KREMEN1: variants seen among roughly 807,000 people sequenced by gnomAD.
The protein encoded by KREMEN1 is kremen protein 1.
In KREMEN1, 30 loss-of-function variants were observed where a neutral mutation model predicts 46.5. That is an observed-to-expected ratio of 0.65 (90% CI 0.48 to 0.88). The LOEUF (loss-of-function observed/expected upper bound fraction) is 0.88. Ranked by LOEUF, KREMEN1 falls within the 40% of genes least tolerant of loss-of-function variation. KREMEN1 has a pLI of 0.00. For missense variants in KREMEN1, 533 were observed against 596.9 expected (o/e 0.89, Z 1.11); for synonymous variants, 214 against 230.6 (o/e 0.93, Z 0.65).
At chr22:29,108,768 G>A (rs1476491546) in intron 3 of KREMEN1, among the ~76,000 whole-genome samples, 1 of 152,144 alleles carries the variant, frequency 6.6e-6, no homozygotes, top group Admixed American at 6.6e-5. Context: ...CACTGAACTC[G>A]GTGAACACAA....
downstream of KREMEN1, among the ~76,000 whole-genome samples, chr22:29,147,365 G>C (rs1191612546): frequency 6.6e-6 from 1 of 152,190 alleles, no homozygotes; most frequent in African/African-American, 2.4e-5. Flanking sequence ...CTCCACGTAT[G>C]AGCTGCCCAC....
At chr22:29,099,074 G>C in intron 3 of KREMEN1, 121 bp downstream of exon 3, 1 of 711,862 alleles carries the variant, frequency 1.4e-6, no homozygotes, top group Non-Finnish European at 2.5e-6. Flanking sequence ...CATGTGAAAG[G>C]AGAAGCCATC....
chr22:29,138,680 G>T lies in KREMEN1; in HGVS notation c.1021G>T (p.Val341Leu). 6.2e-7 allele frequency: 1 copy of T among 1,614,212 alleles called. No individual in the cohort carries two copies. The change falls in exon 7 of 9, where the codon GTG becomes TTG. Residue 341 changes from valine (V) to leucine (L), a missense_variant. Transcript: ENST00000400335. ...CGCTGTCAACCAGACGGTGGCCGAG[G>T]TGATCACGGAGCAGGCCAACCTCAG... ...RPAVNQTVAE[V>L]ITEQANLSVS...
downstream of KREMEN1, among the ~76,000 whole-genome samples, chr22:29,147,947 C>T (rs1237306920): frequency 3.9e-5 from 6 of 152,174 alleles, no homozygotes; most frequent in Admixed American, 2.6e-4. Context: ...AGGCATTGGG[C>T]TGTATGAATT....
chr22:29,153,138 T>A (rs61265560), intron 9 of KREMEN1, among the ~76,000 whole-genome samples: 1 of 152,348 alleles, frequency 6.6e-6, no homozygotes, highest in African/African-American at 2.4e-5. Context: ...TCTTTTCACA[T>A]GCTAATGAAT....
At chr22:29,152,009 TA>T (rs132285) in intron 9 of KREMEN1, among the ~76,000 whole-genome samples, 21,233 of 132,504 alleles carry the variant, frequency 0.16, 1,971 homozygotes, top group African/African-American at 0.28. Context: ...GACTCTGTCT[TA>T]AAAAAAAAAA....
intron 1 of KREMEN1, among the ~76,000 whole-genome samples, chr22:29,090,082 T>C (rs2037784306): frequency 6.6e-6 from 1 of 152,254 alleles, no homozygotes; most frequent in Non-Finnish European, 1.5e-5. Flanking sequence ...TTCATCTCTG[T>C]AGCCCCAGTG....
rs544974419 is a variant in KREMEN1 at position 29,160,432 on chromosome 22, C to T, written c.1417-6612C>T. ...GCAGGTGCCTGTAATCCCAGCTACT[C>T]GGGAGGCTGAGGCAGGAGAATCACT... On this transcript the variant is annotated intron_variant, in intron 9 of 9. Coordinates refer to the KREMEN1 transcript ENST00000327813. 4.0e-5 allele frequency among the ~76,000 whole-genome samples: 6 copies of T among 150,394 alleles called. No individual in the cohort carries two copies. In the South Asian group the frequency reaches 6.3e-4, roughly 16 times the overall value.
At chr22:29,140,404 G>C (rs2038743712) in intron 8 of KREMEN1, 38 bp downstream of exon 8, 1 of 1,447,930 alleles carries the variant, frequency 6.9e-7, no homozygotes, top group South Asian at 1.1e-5. Flanking sequence ...CCAGGAAAGG[G>C]AAGGCTCAGA....
intron 3 of KREMEN1, among the ~76,000 whole-genome samples, chr22:29,120,842 G>T (rs1680996636): frequency 6.6e-6 from 1 of 152,094 alleles, no homozygotes; most frequent in South Asian, 2.1e-4. Flanking sequence ...GTTATTTAAA[G>T]CCACTAGGTT....
intron 3 of KREMEN1, among the ~76,000 whole-genome samples, chr22:29,120,924 G>A (rs1478880991): frequency 6.6e-6 from 1 of 152,110 alleles, no homozygotes; most frequent in African/African-American, 2.4e-5. Flanking sequence ...ACCCACTTGT[G>A]GAATCTTTGA....
intron 3 of KREMEN1, among the ~76,000 whole-genome samples, chr22:29,106,322 G>A (rs1240454108): frequency 6.6e-6 from 1 of 151,326 alleles, no homozygotes; most frequent in Non-Finnish European, 1.5e-5. Flanking sequence ...CCGGGTTCAC[G>A]CCATTCTCCT....
intron 3 of KREMEN1, among the ~76,000 whole-genome samples, chr22:29,120,521 G>T (rs1413382012): frequency 7.4e-6 from 1 of 135,390 alleles, no homozygotes; most frequent in Non-Finnish European, 1.6e-5. Flanking sequence ...GGAGGGAGAG[G>T]TGATGATGGA....
chr22:29,086,918 T>A (rs866134791), intron 1 of KREMEN1, among the ~76,000 whole-genome samples: 9 of 152,138 alleles, frequency 5.9e-5, no homozygotes, highest in African/African-American at 2.2e-4. Flanking sequence ...AGCAAATTTT[T>A]AATTTTAATT....
chr22:29,128,548 AG>A (rs2038481560), intron 5 of KREMEN1, among the ~76,000 whole-genome samples: 1 of 152,232 alleles, frequency 6.6e-6, no homozygotes, highest in Non-Finnish European at 1.5e-5. Context: ...TTGTAAATGC[AG>A]CACTATGGAA....
Position 29,164,183 on chromosome 22 carries a change from T to C in KREMEN1, c.1417-2861T>C, listed in dbSNP as rs539811598. ...TTACAAAAGCAGGATATCAATTAAC[T>C]AGTCCAAAATGGAAACGGCTGTTGA... On this transcript the variant is annotated intron_variant, in intron 9 of 9. Coordinates refer to the KREMEN1 transcript ENST00000327813. Among the ~76,000 whole-genome samples, 4 of 152,336 alleles carry C rather than the reference T, an allele frequency of 2.6e-5. No homozygotes were observed. In the East Asian group the frequency reaches 7.7e-4, roughly 29 times the overall value.
At chr22:29,102,498 TAGTACC>T in intron 3 of KREMEN1, among the ~76,000 whole-genome samples, 1 of 152,220 alleles carries the variant, frequency 6.6e-6, no homozygotes, top group Non-Finnish European at 1.5e-5. Context: ...GATAGTCTTT[TAGTACC>T]AGCCTGTGTC....
At chr22:29,162,935 GAATT>G (rs2039023825) in intron 9 of KREMEN1, among the ~76,000 whole-genome samples, 2 of 152,106 alleles carry the variant, frequency 1.3e-5, no homozygotes, top group Non-Finnish European at 2.9e-5. Context: ...TCATAAAAAA[GAATT>G]AAATCATGTA....
chr22:29,156,451 G>A (rs749173541), intron 9 of KREMEN1, among the ~76,000 whole-genome samples: 3 of 152,254 alleles, frequency 2.0e-5, no homozygotes, highest in Admixed American at 2.0e-4. Flanking sequence ...CAACCAGGGC[G>A]TCTGATCTTC....
Sources: gnomAD v4.1 joint callset for allele counts (sites outside exome capture counted in the v4.1 genomes callset) on GRCh38, gnomAD v4.1.1 for gene constraint, MANE v1.5 for transcripts, NCBI Gene and HGNC (gene_info 2026-07-23, HGNC 2026-07-21) for gene names.